The following POU2F1 variants were observed in gnomAD, a reference collection of about 807,000 sequenced individuals.
The protein encoded by POU2F1 is POU domain, class 2, transcription factor 1.
In POU2F1, 16 loss-of-function variants were observed where a neutral mutation model predicts 84.9. That is an observed-to-expected ratio of 0.19 (90% CI 0.13 to 0.29). The LOEUF is 0.29. Ranked by LOEUF, POU2F1 falls within the 10% of genes least tolerant of loss-of-function variation. The pLI, the probability that POU2F1 is intolerant of heterozygous loss-of-function variation, is 1.00. For synonymous variants in POU2F1, 368 were observed against 368.3 expected, an observed-to-expected ratio of 1.00 and a Z score of 0.01; for missense variants, 738 against 942.6, an observed-to-expected ratio of 0.78 and a Z score of 2.84.
At chr1:167,272,027 A>G (rs1180949563) in intron 1 of POU2F1, among the ~76,000 whole-genome samples, 3 of 152,230 alleles carry the variant, frequency 2.0e-5, no homozygotes, top group Non-Finnish European at 2.9e-5. Context: ...TTATGCTGCA[A>G]CAGCAGAGTT....
At chr1:167,347,653 A>G (rs1016692950) in intron 2 of POU2F1, among the ~76,000 whole-genome samples, 16 of 152,070 alleles carry the variant, frequency 1.1e-4, no homozygotes, top group African/African-American at 3.4e-4. Context: ...ATCACCCCCA[A>G]AGGAAACCCT....
In POU2F1 at chr1:167,421,378, C is replaced by A. The variant is rs1410469365; in HGVS notation, c.*5568C>A. The stretch of plus-strand genomic sequence containing the variant: ...AAGGAGATTAAATATAAATAGGACA[C>A]CCCTGAGATTTCCAGTAAGGTATTT... On this transcript the variant is annotated 3_prime_UTR_variant, in exon 16 of 16. Transcript: ENST00000367866. 2.0e-5 allele frequency: 3 copies of A among 152,154 alleles called. No homozygotes were observed. The highest frequency in any genetic ancestry group is 4.8e-5 in the African/African-American group (2 of 41,424). The allele number at this position is 152,154 out of a possible 1,614,324, so 9.4% of individuals were successfully genotyped here.
intron 1 of POU2F1, among the ~76,000 whole-genome samples, chr1:167,261,170 G>A (rs1192645827): frequency 2.0e-5 from 3 of 152,144 alleles, no homozygotes; most frequent in African/African-American, 4.8e-5. Context: ...GATGTTTAAA[G>A]AGGTAATTGT....
chr1:167,309,083 T>G (rs1571272048), intron 1 of POU2F1, among the ~76,000 whole-genome samples: 1 of 152,058 alleles, frequency 6.6e-6, no homozygotes. Flanking sequence ...CCATAATTTT[T>G]TAAAGTGCTT....
chr1:167,252,438 A>C (rs1031505905), intron 1 of POU2F1, among the ~76,000 whole-genome samples: 1 of 152,182 alleles, frequency 6.6e-6, no homozygotes, highest in Non-Finnish European at 1.5e-5. Flanking sequence ...AGCAGTCACC[A>C]CTAAAATACT....
chr1:167,361,387 A>G (rs566035458), intron 2 of POU2F1, among the ~76,000 whole-genome samples: 3 of 152,128 alleles, frequency 2.0e-5, no homozygotes, highest in Admixed American at 1.3e-4. Context: ...TTATAAAGGG[A>G]TGTTAGATTT....
intron 10 of POU2F1, among the ~76,000 whole-genome samples, chr1:167,397,098 C>T (rs1648863707): frequency 6.6e-6 from 1 of 152,148 alleles, no homozygotes; most frequent in Non-Finnish European, 1.5e-5. Context: ...CATCTGTTTC[C>T]CAAGTCCACA....
intron 2 of POU2F1, chr1:167,338,180 C>G (rs1238052988): frequency 2.1e-6 from 1 of 468,366 alleles, no homozygotes; most frequent in Non-Finnish European, 4.4e-6. Flanking sequence ...AAGACCCCTC[C>G]TGTTCCTCCT....
chr1:167,315,644 GTTTGTTTT>G (rs2102615582), intron 1 of POU2F1, among the ~76,000 whole-genome samples: 1 of 151,912 alleles, frequency 6.6e-6, no homozygotes, highest in South Asian at 2.1e-4. Context: ...TTGTTTGTTT[GTTTGTTTT>G]TTAATTAGCC....
Position 167,398,032 on chromosome 1 carries a change from G to A in POU2F1, c.1168G>A (p.Ala390Thr). 1 of 1,613,930 alleles carries A rather than the reference G, an allele frequency of 6.2e-7. No individual in the cohort carries two copies. The highest frequency in any genetic ancestry group is 8.5e-7 in the Non-Finnish European group (1 of 1,179,852). Residue 390 changes from alanine (A) to threonine (T), a missense_variant, in exon 11 of 16, where the codon GCC becomes ACC. This residue lies in a region of POU2F1 where 95 missense variants were observed against 195.1 expected (regional missense o/e 0.49). Coordinates refer to ENST00000367866, the MANE Select transcript of POU2F1 (RefSeq NM_002697.4). Reference protein sequence around the residue: ...SSDSSLSSPSALNSPGIEGLS... With the variant: ...SSDSSLSSPSTLNSPGIEGLS... Reference sequence around the variant, plus strand: ...TGATTCGTCCCTCTCCAGCCCAAGTGCCCTGAATTCTCCAGGAATTGAGGG... The same window carrying A: ...TGATTCGTCCCTCTCCAGCCCAAGTACCCTGAATTCTCCAGGAATTGAGGG...
intron 1 of POU2F1, among the ~76,000 whole-genome samples, chr1:167,235,744 GATAA>G (rs1649403658): frequency 6.6e-6 from 1 of 152,138 alleles, no homozygotes; most frequent in African/African-American, 2.4e-5. Context: ...ATTTAAATAA[GATAA>G]ACATTTTAAT....
At chr1:167,290,856 C>T (rs888169608) in intron 1 of POU2F1, among the ~76,000 whole-genome samples, 2 of 152,038 alleles carry the variant, frequency 1.3e-5, no homozygotes, top group Non-Finnish European at 2.9e-5. Flanking sequence ...GGCTAGTGAA[C>T]GTAGCCAGAC....
intron 1 of POU2F1, among the ~76,000 whole-genome samples, chr1:167,305,714 G>A (rs1337262113): frequency 6.6e-6 from 1 of 152,172 alleles, no homozygotes; most frequent in Non-Finnish European, 1.5e-5. Flanking sequence ...TTAACAGATA[G>A]TACTTTGATT....
chr1:167,312,659 T>C (rs1460284689), intron 1 of POU2F1, among the ~76,000 whole-genome samples: 4 of 152,232 alleles, frequency 2.6e-5, no homozygotes, highest in Non-Finnish European at 5.9e-5. Context: ...GTACAGGCTT[T>C]CTCTAGTTGA....
chr1:167,229,761 T>TG (rs1399055466), intron 1 of POU2F1, among the ~76,000 whole-genome samples: 1 of 152,168 alleles, frequency 6.6e-6, no homozygotes, highest in Non-Finnish European at 1.5e-5. Context: ...ATGGATTCTG[T>TG]GGGGCACCTG....
At position 167,425,249 on chromosome 1, in the gene POU2F1, T is replaced by TTTTG. The variant is rs1309476549; in HGVS notation, c.*9442_*9443insGTTT. 1.3e-5 allele frequency: 2 copies of TTTTG among 150,456 alleles called. No homozygotes were observed. Among genetic ancestry groups the TTTTG allele is most frequent in the African/African-American group, 5.0e-5 (2 of 39,934 alleles). The allele number at this position is 150,456 out of a possible 1,614,324, so 9.3% of individuals were successfully genotyped here. On this transcript the variant is annotated 3_prime_UTR_variant, in exon 16 of 16. Transcript: ENST00000367866. ...CTTTGTTTTGTTTTGTTTTGTTTTG[T>TTTTG]TTTTCAAATTTCCAGCCAAAACCAA...
At chr1:167,279,650 G>A (rs373760007) in intron 1 of POU2F1, among the ~76,000 whole-genome samples, 6 of 152,030 alleles carry the variant, frequency 3.9e-5, no homozygotes, top group South Asian at 2.1e-4. Context: ...CCCTGGAGGC[G>A]GAGATTGCGG....
chr1:167,336,940 C>T (rs1406327819), intron 2 of POU2F1, among the ~76,000 whole-genome samples: 2 of 151,936 alleles, frequency 1.3e-5, no homozygotes, highest in Admixed American at 1.3e-4. Context: ...CCAAGGTGGG[C>T]GGATCACCTG....
Position 167,234,265 on chromosome 1 carries a change from A to G in POU2F1, c.61+13307A>G, listed in dbSNP as rs550887461. On this transcript the variant is annotated intron_variant, in intron 1 of 15. Coordinates refer to ENST00000367866, the MANE Select transcript of POU2F1 (RefSeq NM_002697.4). ...TTGTGTGCTCTAGAATCAATTGTGC[A>G]TTCTTATCTCTGTATTGCATTTTGG... Among the ~76,000 whole-genome samples the G allele has an allele frequency of 9.2e-5, 14 of 152,368 alleles. No homozygotes were observed. In the South Asian group the frequency reaches 2.9e-3, roughly 32 times the overall value.
Sources: allele counts gnomAD v4.1 joint callset (sites outside exome capture counted in the v4.1 genomes callset), GRCh38; gene constraint gnomAD v4.1.1; regional missense constraint gnomAD v4.1.1; transcripts MANE v1.5; gene names NCBI Gene and HGNC (gene_info 2026-07-23, HGNC 2026-07-21).